SLC12A1: variants seen among roughly 807,000 people sequenced by gnomAD.
SLC12A1 encodes the protein solute carrier family 12 member 1.
SLC12A1 carries 89 observed loss-of-function variants against 130.4 expected under a neutral mutation model. That is an observed-to-expected ratio of 0.68 (90% confidence interval 0.58 to 0.81). The LOEUF (loss-of-function observed/expected upper bound fraction) is 0.81, where lower values mean the gene tolerates loss of function less well. SLC12A1 is among the 40% of genes least tolerant of loss of function. SLC12A1 has a pLI of 0.00. For synonymous variants in SLC12A1, 499 were observed against 460.0 expected (o/e 1.08, Z -1.09); for missense variants, 1,310 against 1,336.4 (o/e 0.98, Z 0.31).
intron 20 of SLC12A1, among the ~76,000 whole-genome samples, chr15:48,280,167 T>TAAAA (rs113028863): frequency 8.8e-5 from 11 of 125,698 alleles, no homozygotes; most frequent in African/African-American, 1.4e-4. Context: ...AAAGATATCT[T>TAAAA]AAAAAAAAAA....
chr15:48,208,241 G>T (rs2041006022), intron 2 of SLC12A1, 102 bp downstream of exon 2: 1 of 1,194,232 alleles, frequency 8.4e-7, no homozygotes, highest in Admixed American at 2.5e-5. Context: ...CAGTCAAATG[G>T]AGAGGTCTAT....
At chr15:48,229,877 C>T (rs2141032972) in intron 6 of SLC12A1, among the ~76,000 whole-genome samples, 1 of 152,260 alleles carries the variant, frequency 6.6e-6, no homozygotes, top group Non-Finnish European at 1.5e-5. Context: ...TGATAGCATT[C>T]ACTGAATTCA....
chr15:48,218,618 A>G (rs539225279), intron 2 of SLC12A1, among the ~76,000 whole-genome samples: 1 of 152,302 alleles, frequency 6.6e-6, no homozygotes, highest in African/African-American at 2.4e-5. Context: ...TAGAGGAAGA[A>G]AAAATGGTTT....
At position 48,238,852 on chromosome 15, in the gene SLC12A1, T is replaced by C. The variant is rs2041469177; in HGVS notation, c.1216-2663T>C. On this transcript the variant is annotated intron_variant, in intron 9 of 26. Coordinates refer to ENST00000380993, the MANE Select transcript of SLC12A1 (RefSeq NM_000338.3). ...CCATCCAGAACCTTACATTTGCTAATAATGCACTAACAGATGATCTGTAAA... is the reference window on the plus strand; with the variant it reads ...CCATCCAGAACCTTACATTTGCTAACAATGCACTAACAGATGATCTGTAAA... Among the ~76,000 whole-genome samples the C allele has an allele frequency of 2.0e-5, 3 of 152,278 alleles. No homozygotes were observed. In the South Asian group the frequency reaches 6.2e-4, roughly 32 times the overall value.
intron 8 of SLC12A1, among the ~76,000 whole-genome samples, chr15:48,233,653 T>C (rs2041405369): frequency 6.6e-6 from 1 of 152,220 alleles, no homozygotes; most frequent in Non-Finnish European, 1.5e-5. Flanking sequence ...TGCTGAGTTT[T>C]TCAATGTTTC....
chr15:48,277,534 T>G (rs2041966385), intron 20 of SLC12A1, among the ~76,000 whole-genome samples: 1 of 143,786 alleles, frequency 7.0e-6, no homozygotes, highest in Admixed American at 6.8e-5. Context: ...CTAGTAAGCA[T>G]TTTAAAAAGT....
Position 48,285,251 on chromosome 15 carries a change from T to C in SLC12A1, c.2629+2T>C, listed in dbSNP as rs760199590. 1 of 1,613,148 alleles carries C rather than the reference T, an allele frequency of 6.2e-7. No homozygotes were observed. Among genetic ancestry groups the C allele is most frequent in the Admixed American group, 1.7e-5 (1 of 59,798 alleles). ...TTACTAAGACAACGCCTAAAAAAGG[T>C]AAGAACTTTTTAAAATTTGCAAAAA... is the stretch of plus-strand genomic sequence containing the variant. On this transcript the variant is annotated splice_donor_variant, in intron 21 of 26. Coordinates refer to ENST00000380993, the MANE Select transcript of SLC12A1 (RefSeq NM_000338.3). LOFTEE classifies it high-confidence loss of function.
intron 14 of SLC12A1, among the ~76,000 whole-genome samples, chr15:48,251,213 T>C (rs1194525120): frequency 6.6e-6 from 1 of 151,990 alleles, no homozygotes; most frequent in Non-Finnish European, 1.5e-5. Context: ...GTTTTCTCTT[T>C]TTCTTTCTCT....
chr15:48,227,356 C>CA (rs1414890208), intron 5 of SLC12A1: 1 of 607,924 alleles, frequency 1.6e-6, no homozygotes, highest in Non-Finnish European at 2.9e-6. Context: ...TCTTCATTGA[C>CA]ATGACCCATT....
In SLC12A1 at chr15:48,249,575, C is replaced by A; in HGVS notation, c.1685C>A (p.Ala562Glu). 3 of 1,611,598 alleles carry A rather than the reference C, an allele frequency of 1.9e-6. No homozygotes were observed. The highest frequency in any genetic ancestry group is 1.3e-5 in the African/African-American group (1 of 74,996). Residue 562 changes from alanine to glutamate, a missense_variant and splice_region_variant, in exon 14 of 27, where the codon GCG (alanine) becomes GAG (glutamate). Ala to Glu is a moderately radical substitution (Grantham distance 107). Coordinates refer to ENST00000380993, the MANE Select transcript of SLC12A1 (RefSeq NM_000338.3). ...FLIAMAFILI[A>E]ELNTIAPIIS... ...ATGTTCAATTCTGTTACTTTTACAG[C>A]GGAACTGAACACCATTGCTCCCATC...
intron 2 of SLC12A1, among the ~76,000 whole-genome samples, chr15:48,213,895 C>G (rs1156565393): frequency 1.3e-5 from 2 of 152,146 alleles, no homozygotes; most frequent in African/African-American, 4.8e-5. Context: ...AGTTAACAAA[C>G]ATTAAACCAC....
chr15:48,229,252 T>C lies in SLC12A1; in HGVS notation c.788T>C (p.Ile263Thr). ...GPEFGGSIGL[I>T]FAFANAVAVA... ...GAGTTCGGTGGGTCAATAGGCCTGA[T>C]CTTTGCTTTTGCTAATGCAGTGGCT... The change falls in exon 6 of 27, where the codon ATC (isoleucine) becomes ACC (threonine). Residue 263 changes from isoleucine to threonine, a missense_variant. Coordinates refer to ENST00000380993, the MANE Select transcript of SLC12A1 (RefSeq NM_000338.3). 1 of 1,600,522 alleles carries C rather than the reference T, an allele frequency of 6.2e-7. No individual in the cohort carries two copies. Among genetic ancestry groups the C allele is most frequent in the Non-Finnish European group, 8.5e-7 (1 of 1,172,946 alleles).
At chr15:48,226,812 C>A in intron 5 of SLC12A1, 1 of 590,250 alleles carries the variant, frequency 1.7e-6, no homozygotes, top group Non-Finnish European at 3.0e-6. Context: ...TGTGCACCTT[C>A]CTTAGGTAAA....
intron 10 of SLC12A1, among the ~76,000 whole-genome samples, chr15:48,243,917 T>C (rs764747783): frequency 6.6e-6 from 1 of 152,232 alleles, no homozygotes; most frequent in Admixed American, 6.5e-5. Context: ...TTCACACGTA[T>C]ATTCATATAT....
intron 24 of SLC12A1, among the ~76,000 whole-genome samples, chr15:48,296,696 CTTAT>C (rs1401472369): frequency 6.6e-6 from 1 of 152,102 alleles, no homozygotes; most frequent in Non-Finnish European, 1.5e-5. Flanking sequence ...AAATTGAATT[CTTAT>C]TTATATTTAA....
intron 11 of SLC12A1, among the ~76,000 whole-genome samples, chr15:48,246,004 T>C (rs1369331243): frequency 6.6e-6 from 1 of 152,252 alleles, no homozygotes; most frequent in Non-Finnish European, 1.5e-5. Flanking sequence ...TTTAAACATA[T>C]TAATTTGTCT....
intron 6 of SLC12A1, among the ~76,000 whole-genome samples, chr15:48,230,174 T>C (rs935949923): frequency 2.0e-5 from 3 of 152,224 alleles, no homozygotes; most frequent in African/African-American, 7.2e-5. Flanking sequence ...AATGAATCTC[T>C]AAAATGTCTA....
intron 21 of SLC12A1, among the ~76,000 whole-genome samples, chr15:48,285,468 T>C (rs1023941130): frequency 2.0e-5 from 3 of 152,230 alleles, no homozygotes; most frequent in African/African-American, 7.2e-5. Context: ...CAAAAATTAT[T>C]TTTTAAATGT....
intron 20 of SLC12A1, among the ~76,000 whole-genome samples, chr15:48,279,683 A>G (rs529151062): frequency 2.0e-5 from 3 of 152,360 alleles, no homozygotes; most frequent in African/African-American, 7.2e-5. Context: ...TTTTCCAACT[A>G]CAACAAGGAG....
Sources: gnomAD v4.1 joint callset for allele counts (sites outside exome capture counted in the v4.1 genomes callset) on GRCh38, gnomAD v4.1.1 for gene constraint, MANE v1.5 for transcripts, NCBI Gene and HGNC (gene_info 2026-07-23, HGNC 2026-07-21) for gene names.